Variants in FNDC3B observed in about 807,000 individuals in gnomAD.
FNDC3B encodes fibronectin type III domain containing 3B, also known as fibronectin type III domain-containing protein 3B.
A neutral mutation model predicts 151.5 loss-of-function variants in FNDC3B; 12 were observed. The ratio of observed to expected loss-of-function variants is 0.08; its 90% CI spans 0.05 to 0.13. The LOEUF (loss-of-function observed/expected upper bound fraction) is 0.13. Among genes scored for constraint, FNDC3B ranks in the 10% least tolerant of loss-of-function variants. The pLI is 1.00. For synonymous variants in FNDC3B, 528 were observed against 549.0 expected, an observed-to-expected ratio of 0.96 and a Z score of 0.54; for missense variants, 1,214 against 1,505.3, an observed-to-expected ratio of 0.81 and a Z score of 3.20.
At chr3:172,253,105 G>A (rs1203317216) in intron 6 of FNDC3B, among the ~76,000 whole-genome samples, 3 of 152,184 alleles carry the variant, frequency 2.0e-5, no homozygotes, top group Non-Finnish European at 1.5e-5. Flanking sequence ...GAGAGCTTAC[G>A]AGGTTTGAAG....
chr3:172,066,633 G>C lies in FNDC3B; in HGVS notation c.-29+26862G>C, dbSNP rs117157253. On this transcript the variant is annotated intron_variant, in intron 1 of 25. Coordinates refer to ENST00000415807, the MANE Select transcript of FNDC3B (RefSeq NM_022763.4). ...GGCTCAGATTAAGACCTGGATCTAC[G>C]TGCTGCTGTTCCCAGACTGCTTTCA... Among the ~76,000 whole-genome samples, 4 of 152,304 alleles carry C rather than the reference G, an allele frequency of 2.6e-5. No homozygotes were observed. In the East Asian group the frequency reaches 7.7e-4, roughly 29 times the overall value.
At chr3:172,128,373 C>T (rs777406631) in intron 2 of FNDC3B, among the ~76,000 whole-genome samples, 3 of 152,222 alleles carry the variant, frequency 2.0e-5, no homozygotes, top group Non-Finnish European at 2.9e-5. Context: ...GGCATTCGCA[C>T]CCCATCGCTT....
chr3:172,173,600 G>A (rs1236090691), intron 3 of FNDC3B, among the ~76,000 whole-genome samples: 1 of 147,858 alleles, frequency 6.8e-6, no homozygotes, highest in Non-Finnish European at 1.5e-5. Flanking sequence ...TTTGAGACCA[G>A]CCTGGGCAAC....
intron 2 of FNDC3B, among the ~76,000 whole-genome samples, chr3:172,123,332 G>T (rs868738975): frequency 1.3e-5 from 2 of 152,054 alleles, no homozygotes; most frequent in African/African-American, 4.8e-5. Context: ...GACCCTCTGT[G>T]CCAGGCCTTA....
rs536987355 is a variant in FNDC3B, at chr3:172,205,609, G to A, written c.188-21262G>A. 3.3e-5 allele frequency among the ~76,000 whole-genome samples: 5 copies of A among 152,248 alleles called. No homozygotes were observed. The South Asian group carries it at 8.3e-4, about 25-fold the overall frequency. Reference sequence around the variant, plus strand: ...TCTGCCACAATTACTACAGCACTACGGTTGGCGAGGGAAGAAATCTGCATT... The same window carrying A: ...TCTGCCACAATTACTACAGCACTACAGTTGGCGAGGGAAGAAATCTGCATT... On this transcript the variant is annotated intron_variant, in intron 3 of 25. Transcript: ENST00000415807.
At chr3:172,323,371 G>C (rs993142949) in intron 11 of FNDC3B, among the ~76,000 whole-genome samples, 1 of 152,050 alleles carries the variant, frequency 6.6e-6, no homozygotes, top group African/African-American at 2.4e-5. Context: ...AATTTAGCCA[G>C]GTGTGGTGGT....
intron 1 of FNDC3B, among the ~76,000 whole-genome samples, chr3:172,100,239 A>C (rs1370783202): frequency 6.6e-6 from 1 of 152,200 alleles, no homozygotes; most frequent in Non-Finnish European, 1.5e-5. Flanking sequence ...GGAGAAACTA[A>C]ATAGGTATTT....
chr3:172,114,710 A>AC (rs1164949544), intron 2 of FNDC3B, among the ~76,000 whole-genome samples: 3 of 152,154 alleles, frequency 2.0e-5, no homozygotes, highest in Non-Finnish European at 4.4e-5. Flanking sequence ...ACAAAGTGAG[A>AC]CCCCATCTCT....
At chr3:172,300,721 G>T (rs1212612667) in intron 9 of FNDC3B, among the ~76,000 whole-genome samples, 1 of 152,094 alleles carries the variant, frequency 6.6e-6, no homozygotes, top group Non-Finnish European at 1.5e-5. Context: ...ACAACCTAGG[G>T]TGCCACCAAC....
intron 23 of FNDC3B, among the ~76,000 whole-genome samples, chr3:172,371,063 A>G (rs183640833): frequency 3.5e-4 from 54 of 152,324 alleles, no homozygotes; most frequent in Non-Finnish European, 5.6e-4. Flanking sequence ...AGTATCACAC[A>G]GAGTTGTTTC....
intron 4 of FNDC3B, among the ~76,000 whole-genome samples, chr3:172,232,141 A>T (rs1357008376): frequency 6.6e-6 from 1 of 152,100 alleles, no homozygotes; most frequent in African/African-American, 2.4e-5. Flanking sequence ...TCAGCCTCCC[A>T]AAGTGCTGGG....
intron 3 of FNDC3B, among the ~76,000 whole-genome samples, chr3:172,204,007 G>T (rs753996705): frequency 6.6e-6 from 1 of 152,180 alleles, no homozygotes; most frequent in Non-Finnish European, 1.5e-5. Context: ...CCAGCGTCTC[G>T]TTCTTTCTGC....
chr3:172,058,681 G>A (rs193008566), intron 1 of FNDC3B, among the ~76,000 whole-genome samples: 1 of 152,222 alleles, frequency 6.6e-6, no homozygotes, highest in East Asian at 1.9e-4. Flanking sequence ...TGAAATCAGA[G>A]GAGTATTAGT....
chr3:172,181,409 A>AAC (rs1553769942), intron 3 of FNDC3B, among the ~76,000 whole-genome samples: 11 of 145,026 alleles, frequency 7.6e-5, no homozygotes, highest in South Asian at 2.3e-4. Context: ...AAAAAAAAAA[A>AAC]AAAAACAAAA....
chr3:172,208,416 G>C (rs542359292), intron 3 of FNDC3B, among the ~76,000 whole-genome samples: 1 of 152,294 alleles, frequency 6.6e-6, no homozygotes, highest in East Asian at 1.9e-4. Flanking sequence ...TTCTCCCAGA[G>C]GTTGAGCAGG....
intron 5 of FNDC3B, 139 bp from the exon 6 acceptor site, chr3:172,251,121 T>C: frequency 1.4e-6 from 1 of 727,930 alleles, no homozygotes. Flanking sequence ...TTAAAAAATA[T>C]TTATTAGACT....
chr3:172,273,565 T>C (rs1447647379), intron 6 of FNDC3B, among the ~76,000 whole-genome samples: 1 of 152,236 alleles, frequency 6.6e-6, no homozygotes, highest in East Asian at 1.9e-4. Context: ...CTGGGTAGAT[T>C]AGTGTTTTCT....
chr3:172,188,293 C>A (rs890076569), intron 3 of FNDC3B, among the ~76,000 whole-genome samples: 1 of 152,076 alleles, frequency 6.6e-6, no homozygotes, highest in South Asian at 2.1e-4. Context: ...CTGTGCCTGG[C>A]CTTTAAGCAA....
chr3:172,384,253 AC>A (rs1735598043), intron 25 of FNDC3B, among the ~76,000 whole-genome samples: 1 of 152,262 alleles, frequency 6.6e-6, no homozygotes, highest in African/African-American at 2.4e-5. Flanking sequence ...GTGTCGATTA[AC>A]ATCAGCGGAT....
Sources: allele counts gnomAD v4.1 joint callset (sites outside exome capture counted in the v4.1 genomes callset), GRCh38; gene constraint gnomAD v4.1.1; transcripts MANE v1.5; gene names NCBI Gene and HGNC (gene_info 2026-07-23, HGNC 2026-07-21).